Variants in DGKQ observed in about 807,000 individuals in gnomAD.
The protein encoded by DGKQ is diacylglycerol kinase theta.
DGKQ carries 97 observed loss-of-function variants against 104.2 expected under a neutral mutation model. That is an observed-to-expected ratio of 0.93 (90% CI 0.79 to 1.10). The LOEUF is 1.10. Among genes scored for constraint, DGKQ ranks in the 50% least tolerant of loss-of-function variants. The probability of loss-of-function intolerance (pLI) is 0.00; values close to 1 mark genes in which losing one functional copy is unlikely to be tolerated. For missense variants in DGKQ, 1,465 were observed against 1,352.1 expected (o/e 1.08, Z -1.31); for synonymous variants, 736 against 595.2 (o/e 1.24, Z -3.44).
At position 967,178 on chromosome 4, in the gene DGKQ, C is replaced by T; in HGVS notation, c.1171G>A (p.Ala391Thr). 6.3e-7 allele frequency: 1 copy of T among 1,599,160 alleles called. No homozygotes were observed. Among genetic ancestry groups the T allele is most frequent in the Non-Finnish European group, 8.5e-7 (1 of 1,173,700 alleles). Residue 391 changes from alanine to threonine, a missense_variant, in exon 9 of 23, where the codon GCT becomes ACT. Coordinates refer to ENST00000273814, the MANE Select transcript of DGKQ (RefSeq NM_001347.4). Reference sequence around the variant, plus strand: ...AGGACCTCCTGGGCCCGCGGCAGAGCCCGGATGACCCAGGCCTCTGGCGTG... The same window carrying T: ...AGGACCTCCTGGGCCCGCGGCAGAGTCCGGATGACCCAGGCCTCTGGCGTG... Reference protein sequence around the residue: ...EATPEAWVIRALPRAQEVLKI... With the variant: ...EATPEAWVIRTLPRAQEVLKI...
rs1711837760 is a variant in DGKQ, at chr4:960,911, T to C, written c.2727+138A>G. On this transcript the variant is annotated intron_variant, in intron 22 of 22. Coordinates refer to ENST00000273814, the MANE Select transcript of DGKQ (RefSeq NM_001347.4). Reference sequence around the variant, plus strand: ...CCTGGCCACTGGCACAGCCCTCCTCTGAAGCAGGCACCCTCCCGGAGTCAG... The same window carrying C: ...CCTGGCCACTGGCACAGCCCTCCTCCGAAGCAGGCACCCTCCCGGAGTCAG... 5 of 1,496,178 alleles carry C rather than the reference T, an allele frequency of 3.3e-6. No homozygotes were observed. In the South Asian group the frequency reaches 6.6e-5, roughly 20 times the overall value. The allele number at this position is 1,496,178 out of a possible 1,614,324, so 92.7% of individuals were successfully genotyped here. A position where few individuals can be genotyped will look rare whatever the true frequency, so the allele number is the denominator to read the frequency against.
intron 12 of DGKQ, 174 bp downstream of exon 12, chr4:966,292 C>A: frequency 4.7e-6 from 4 of 848,300 alleles, no homozygotes; most frequent in Non-Finnish European, 5.5e-6. Flanking sequence ...ATCTGCAGCT[C>A]GAGGCCTCCC....
intron 2 of DGKQ, 62 bp from the exon 3 acceptor site, chr4:968,972 C>T (rs1245071079): frequency 2.7e-6 from 3 of 1,103,028 alleles, no homozygotes; most frequent in African/African-American, 1.6e-5. Context: ...GCCACCCCTC[C>T]TCGCTCTTCA....
chr4:968,497 C>T lies in DGKQ; in HGVS notation c.519G>A (p.Gln173=). ...FACSDCRQCH[Q]DGHQDHDTHH... is the part of the protein sequence containing the mutation. The stretch of plus-strand genomic sequence containing the variant: ...CACTCACGTGATCCTGGTGCCCATC[C>T]TGGTGGCACTGGCGGCAGTCACTGC... The change falls in exon 4 of 23, where the codon CAG becomes CAA. Residue 173 remains glutamine (Q), a synonymous_variant. Transcript: ENST00000273814. 6.2e-7 allele frequency: 1 copy of T among 1,607,856 alleles called. No individual in the cohort carries two copies. The highest frequency in any genetic ancestry group is 1.7e-5 in the Admixed American group (1 of 59,630).
chr4:960,925 T>A, intron 22 of DGKQ, 124 bp downstream of exon 22: 1 of 1,513,686 alleles, frequency 6.6e-7, no homozygotes, highest in Non-Finnish European at 8.8e-7. Context: ...GCAGGCACCC[T>A]CCCGGAGTCA....
Position 962,586 on chromosome 4 carries a change from C to G in DGKQ, c.2063G>C (p.Trp688Ser). Reference sequence around the variant, plus strand: ...GTCCTCGCCGCTGTAGCCCGCCCCCCAGCGGAGGACTCGACCAAGGTCATT... The same window carrying G: ...GTCCTCGCCGCTGTAGCCCGCCCCCGAGCGGAGGACTCGACCAAGGTCATT... Reference protein sequence around the residue: ...TGNDLGRVLRWGAGYSGEDPF... With the variant: ...TGNDLGRVLRSGAGYSGEDPF... Residue 688 changes from tryptophan to serine, a missense_variant, in exon 18 of 23, where the codon TGG becomes TCG. By Grantham distance (177) the Trp-to-Ser change is radical. Transcript: ENST00000273814. 6.2e-7 allele frequency: 1 copy of G among 1,609,090 alleles called. No homozygotes were observed. The highest frequency in any genetic ancestry group is 8.5e-7 in the Non-Finnish European group (1 of 1,179,874).
rs1001370585 is a variant in DGKQ at position 967,367 on chromosome 4, G to A, written c.988-6C>T. On this transcript the variant is annotated splice_polypyrimidine_tract_variant and splice_region_variant and intron_variant, in intron 8 of 22. Transcript: ENST00000273814. ...TGGGCCCGCAGTGCGGCCTCCTGCA[G>A]GGCACCAGGTTAGAGGGGCCAAGTT... 2.6e-6 allele frequency: 4 copies of A among 1,530,674 alleles called. No individual in the cohort carries two copies. Among genetic ancestry groups the A allele is most frequent in the African/African-American group, 1.4e-5 (1 of 72,680 alleles). The allele number at this position is 1,530,674 out of a possible 1,614,324, so 94.8% of individuals were successfully genotyped here.
intron 17 of DGKQ, 46 bp downstream of exon 17, chr4:962,726 G>A (rs1355094068): frequency 6.3e-7 from 1 of 1,596,272 alleles, no homozygotes; most frequent in Admixed American, 1.7e-5. Context: ...TGCACAGGAA[G>A]GGGTAGACCC....
rs774437082 is a variant in DGKQ, at chr4:971,513, G to A, written c.272-441C>T. On this transcript the variant is annotated intron_variant, in intron 1 of 22. Transcript: ENST00000273814. This position sits in a 1 kb window ranked among gnomAD's most constrained non-coding sequence, Gnocchi z 4.0. The stretch of plus-strand genomic sequence containing the variant: ...GCATACCCCTAATTGTCCCTGCTAC[G>A]TGCTGTGCACCGTGCCTGAGACCGA... Among the ~76,000 whole-genome samples, 16 of 152,188 alleles carry A rather than the reference G, an allele frequency of 1.1e-4. No homozygotes were observed. Among genetic ancestry groups the A allele is most frequent in the East Asian group, 1.9e-4 (1 of 5,186 alleles).
rs1404435040 is a variant in DGKQ at position 973,204 on chromosome 4, G to C, written c.271+8C>G. 2 of 1,545,448 alleles carry C rather than the reference G, an allele frequency of 1.3e-6. No individual in the cohort carries two copies. Among genetic ancestry groups the C allele is most frequent in the South Asian group, 2.4e-5 (2 of 83,980 alleles). Reference sequence around the variant, plus strand: ...GCAGCCGGGTAGGCATCGGGCCCGGGCGCTCACCGTCGCACAGGAAGCCGG... The same window carrying C: ...GCAGCCGGGTAGGCATCGGGCCCGGCCGCTCACCGTCGCACAGGAAGCCGG... On this transcript the variant is annotated splice_region_variant and intron_variant, in intron 1 of 22. Coordinates refer to ENST00000273814, the MANE Select transcript of DGKQ (RefSeq NM_001347.4).
In DGKQ at chr4:966,991, C is replaced by A; in HGVS notation, c.1284G>T (p.Leu428=). Residue 428 remains leucine, a synonymous_variant, in exon 10 of 23, where the codon CTG becomes CTT. Coordinates refer to ENST00000273814, the MANE Select transcript of DGKQ (RefSeq NM_001347.4). The part of the protein sequence containing the change: ...TPKSTARSVV[L]EVLPLLGRQA... ...GGCGGCCGAGCAGCGGCAGGACCTC[C>A]AGCACCACAGAGCGGGCCGTGCTCT... 1 of 1,566,822 alleles carries A rather than the reference C, an allele frequency of 6.4e-7. No homozygotes were observed. The highest frequency in any genetic ancestry group is 8.6e-7 in the Non-Finnish European group (1 of 1,158,410).
At chr4:965,565 C>T (rs375068686) in intron 13 of DGKQ, 36 bp from the exon 14 acceptor site, 64 of 1,607,292 alleles carry the variant, frequency 4.0e-5, no homozygotes, top group African/African-American at 1.9e-4. Context: ...CGGTGGGAGG[C>T]GAAGGACACA....
intron 2 of DGKQ, among the ~76,000 whole-genome samples, chr4:969,228 T>C (rs1712728589): frequency 6.6e-6 from 1 of 152,120 alleles, no homozygotes; most frequent in South Asian, 2.1e-4. Context: ...GAGGAGGCTG[T>C]GGCCTCCCCC....
In DGKQ at chr4:966,970, G is replaced by C; in HGVS notation, c.1305C>G (p.Gly435=). The change falls in exon 10 of 23, where the codon GGC becomes GGG. Residue 435 remains glycine, a synonymous_variant. Transcript: ENST00000273814. ...GCAGGCACAGGGTACGCACCTGGCG[G>C]CCGAGCAGCGGCAGGACCTCCAGCA... ...SVVLEVLPLL[G]RQAESPESFQ... is the part of the protein sequence containing the mutation. The C allele has an allele frequency of 6.4e-7, 1 of 1,562,218 alleles. No homozygotes were observed. Among genetic ancestry groups the C allele is most frequent in the Non-Finnish European group, 8.6e-7 (1 of 1,156,164 alleles).
Position 961,832 on chromosome 4 carries a change from A to G in DGKQ, c.2318T>C (p.Leu773Pro). The G allele has an allele frequency of 2.5e-6, 4 of 1,597,846 alleles. No individual in the cohort carries two copies. Among genetic ancestry groups the G allele is most frequent in the Non-Finnish European group, 2.6e-6 (3 of 1,171,958 alleles). ...EEEPGKFTSR[L>P]HNKGVYVRVG... ...CCGCACGTACACACCCTTGTTGTGC[A>G]GCCTGCAGGACGGGGCAGGTCACCC... The change falls in exon 20 of 23, where the codon CTG becomes CCG. Residue 773 changes from leucine to proline, a missense_variant and splice_region_variant. Coordinates refer to ENST00000273814, the MANE Select transcript of DGKQ (RefSeq NM_001347.4).
intron 2 of DGKQ, 51 bp from the exon 3 acceptor site, chr4:968,961 C>T (rs778163731): frequency 1.3e-5 from 16 of 1,198,964 alleles, no homozygotes; most frequent in Admixed American, 9.4e-5. Flanking sequence ...ACAGGCTGCC[C>T]GCCACCCCTC....
At position 960,425 on chromosome 4, in the gene DGKQ, T is replaced by C. The variant is rs1224358402; in HGVS notation, c.*195A>G. On this transcript the variant is annotated 3_prime_UTR_variant, in exon 23 of 23. Transcript: ENST00000273814. ...CCAGTCTCCAGTGGGATGAGGGCTG[T>C]GACACCAACATGTGTCACCAATGGG... 8 of 599,646 alleles carry C rather than the reference T, an allele frequency of 1.3e-5. No homozygotes were observed. Among genetic ancestry groups the C allele is most frequent in the Non-Finnish European group, 3.0e-6 (1 of 335,166 alleles). 37.1% of individuals were successfully genotyped at this position (599,646 alleles called of 1,614,324 possible).
rs1208084704 is a variant in DGKQ at position 959,110 on chromosome 4, A to G, written c.*1510T>C. ...TAATCACAAAGGACTGGTCTTGAAGATGACAATGACGTAAACAAGAGTGCA... is the reference window on the plus strand; with the variant it reads ...TAATCACAAAGGACTGGTCTTGAAGGTGACAATGACGTAAACAAGAGTGCA... On this transcript the variant is annotated 3_prime_UTR_variant, in exon 23 of 23. Coordinates refer to ENST00000273814, the MANE Select transcript of DGKQ (RefSeq NM_001347.4). 6.5e-6 allele frequency: 1 copy of G among 152,786 alleles called. No individual in the cohort carries two copies. The highest frequency in any genetic ancestry group is 1.5e-5 in the Non-Finnish European group (1 of 68,268). The allele number at this position is 152,786 out of a possible 1,614,324, so 9.5% of individuals were successfully genotyped here.
Position 967,317 on chromosome 4 carries a change from G to A in DGKQ, c.1032C>T (p.His344=). The part of the protein sequence containing the change: ...RAHHIPEDPG[H]LELCRLPPSS... ...AAGGGGGCAGCCGGCACAGCTCCAG[G>A]TGGCCAGGGTCCTCGGGGATGTGGT... The change falls in exon 9 of 23, where the codon CAC becomes CAT. Residue 344 remains histidine, a synonymous_variant. Transcript: ENST00000273814. The A allele has an allele frequency of 1.3e-6, 2 of 1,539,616 alleles. No homozygotes were observed. The highest frequency in any genetic ancestry group is 1.7e-6 in the Non-Finnish European group (2 of 1,147,728).
Sources: gnomAD v4.1 joint callset for allele counts (sites outside exome capture counted in the v4.1 genomes callset) on GRCh38, gnomAD v4.1.1 for gene constraint, Gnocchi (gnomAD v3.1) non-coding constraint, MANE v1.5 for transcripts, NCBI Gene and HGNC (gene_info 2026-07-23, HGNC 2026-07-21) for gene names.